The following HIVEP3 variants were observed in gnomAD, a reference collection of about 807,000 sequenced individuals.
The protein encoded by HIVEP3 is transcription factor HIVEP3.
HIVEP3 carries 49 observed loss-of-function variants against 152.8 expected under a neutral mutation model. The ratio of observed to expected loss-of-function variants is 0.32; its 90% CI spans 0.26 to 0.41. The LOEUF is 0.41. HIVEP3 is among the 10% of genes least tolerant of loss of function. The pLI, the probability that HIVEP3 is intolerant of heterozygous loss-of-function variation, is 1.00. For synonymous variants in HIVEP3, 1,269 were observed against 1,289.0 expected, an observed-to-expected ratio of 0.98 and a Z score of 0.33; for missense variants, 2,790 against 3,103.3, an observed-to-expected ratio of 0.90 and a Z score of 2.40.
At chr1:41,915,042 G>A (rs963138486) in intron 1 of HIVEP3, among the ~76,000 whole-genome samples, 49 of 152,198 alleles carry the variant, frequency 3.2e-4, no homozygotes, top group South Asian at 2.1e-4. Flanking sequence ...CTTTATAGTT[G>A]TAATATAATT....
upstream of HIVEP3, among the ~76,000 whole-genome samples, chr1:41,921,617 C>T (rs1035705045): frequency 2.6e-5 from 4 of 151,982 alleles, no homozygotes; most frequent in African/African-American, 9.7e-5. Context: ...GTGTGAGAAC[C>T]GACTAATACA....
At position 41,694,752 on chromosome 1, in the gene HIVEP3, T is replaced by A. The variant is rs978153338; in HGVS notation, c.-721+6164A>T. 2.0e-5 allele frequency among the ~76,000 whole-genome samples: 3 copies of A among 152,266 alleles called. No homozygotes were observed. The East Asian group carries it at 5.8e-4, about 29-fold the overall frequency. ...GCCTCCAGGAGAAGGAACACAATTA[T>A]TCACCATGTGCCTGTCGCTGAGCTA... On this transcript the variant is annotated intron_variant, in intron 2 of 8. Coordinates refer to ENST00000372583, the MANE Select transcript of HIVEP3 (RefSeq NM_024503.5).
chr1:41,712,308 G>A (rs145334758), intron 1 of HIVEP3, among the ~76,000 whole-genome samples: 42 of 152,362 alleles, frequency 2.8e-4, no homozygotes, highest in African/African-American at 8.9e-4. Flanking sequence ...CATTCATTCC[G>A]TAAAGATGCG....
intron 5 of HIVEP3, among the ~76,000 whole-genome samples, chr1:41,562,812 A>G (rs914559785): frequency 5.3e-5 from 8 of 152,164 alleles, no homozygotes; most frequent in Non-Finnish European, 1.2e-4. Context: ...TCTGATTTAC[A>G]TCCCAGGATC....
intron 1 of HIVEP3, among the ~76,000 whole-genome samples, chr1:41,775,654 C>A (rs1011498466): frequency 2.0e-5 from 3 of 152,058 alleles, no homozygotes; most frequent in African/African-American, 7.2e-5. Flanking sequence ...CCATGCCTGG[C>A]TAATTTTTTA....
At chr1:41,916,815 T>A (rs1240509292) in intron 1 of HIVEP3, among the ~76,000 whole-genome samples, 2 of 152,116 alleles carry the variant, frequency 1.3e-5, no homozygotes, top group Non-Finnish European at 2.9e-5. Flanking sequence ...ACCTGGCCTA[T>A]TACCTTGGCT....
intron 5 of HIVEP3, among the ~76,000 whole-genome samples, chr1:41,562,452 A>G (rs562703703): frequency 2.0e-5 from 3 of 152,292 alleles, no homozygotes; most frequent in Non-Finnish European, 4.4e-5. Context: ...AATTAAAGAT[A>G]GTGGGAAAAA....
At chr1:41,789,399 G>A (rs961338234) in intron 1 of HIVEP3, among the ~76,000 whole-genome samples, 3 of 152,220 alleles carry the variant, frequency 2.0e-5, no homozygotes, top group Non-Finnish European at 4.4e-5. Context: ...ACGTTTGTGA[G>A]CTACCATTGT....
At chr1:41,556,524 TG>T (rs1643969039) in intron 5 of HIVEP3, among the ~76,000 whole-genome samples, 1 of 152,380 alleles carries the variant, frequency 6.6e-6, no homozygotes, top group African/African-American at 2.4e-5. Flanking sequence ...TTACATATTC[TG>T]GATATCAAGC....
chr1:41,727,346 G>A (rs555271371), intron 1 of HIVEP3, among the ~76,000 whole-genome samples: 4 of 152,240 alleles, frequency 2.6e-5, no homozygotes, highest in African/African-American at 7.2e-5. Context: ...GGATGAAGCC[G>A]GGAGGCAGCC....
intron 3 of HIVEP3, among the ~76,000 whole-genome samples, chr1:41,621,998 C>G (rs925903183): frequency 2.0e-5 from 3 of 152,232 alleles, no homozygotes; most frequent in Middle Eastern, 3.2e-3. Flanking sequence ...TCATTTCCTG[C>G]CTGGATTGCT....
chr1:41,924,463 A>G (rs907754625), intron 1 of HIVEP3, among the ~76,000 whole-genome samples: 4 of 152,168 alleles, frequency 2.6e-5, no homozygotes, highest in Non-Finnish European at 5.9e-5. Flanking sequence ...AATACTTACT[A>G]TGTACCTGGT....
At chr1:42,020,844 G>A (rs533007249) in intron 1 of HIVEP3, among the ~76,000 whole-genome samples, 1 of 152,280 alleles carries the variant, frequency 6.6e-6, no homozygotes, top group African/African-American at 2.4e-5. Context: ...GCCACTTTGA[G>A]GAGAACCTGA....
intron 1 of HIVEP3, among the ~76,000 whole-genome samples, chr1:41,846,269 T>C (rs961430382): frequency 6.6e-6 from 1 of 152,198 alleles, no homozygotes; most frequent in African/African-American, 2.4e-5. Flanking sequence ...GCATGTTACT[T>C]TTACAATGAA....
At chr1:41,623,022 C>T (rs777092308) in intron 3 of HIVEP3, among the ~76,000 whole-genome samples, 20 of 152,212 alleles carry the variant, frequency 1.3e-4, no homozygotes, top group Non-Finnish European at 2.5e-4. Flanking sequence ...GGTCACGCAG[C>T]CAGTATGAGA....
chr1:42,023,798 C>G (rs1407599950), intron 1 of HIVEP3, among the ~76,000 whole-genome samples: 1 of 152,208 alleles, frequency 6.6e-6, no homozygotes, highest in Non-Finnish European at 1.5e-5. Context: ...AATGAAACCT[C>G]TTTCCTTTGT....
chr1:41,524,441 T>C (rs150856299), intron 6 of HIVEP3, among the ~76,000 whole-genome samples: 182 of 152,040 alleles, frequency 1.2e-3, no homozygotes, highest in African/African-American at 4.1e-3. Flanking sequence ...TGCAAAACCA[T>C]GAACGGTGAG....
intron 2 of HIVEP3, among the ~76,000 whole-genome samples, chr1:41,669,910 T>C (rs528295590): frequency 2.6e-5 from 4 of 152,328 alleles, no homozygotes; most frequent in African/African-American, 7.2e-5. Flanking sequence ...AGAGAACCCT[T>C]ATAGATGTCT....
chr1:41,598,714 G>C (rs1203300774), intron 3 of HIVEP3, among the ~76,000 whole-genome samples: 1 of 152,266 alleles, frequency 6.6e-6, no homozygotes, highest in Non-Finnish European at 1.5e-5. Context: ...CAGTAATCAA[G>C]ACAGTATAGT....
Sources: allele counts gnomAD v4.1 joint callset (sites outside exome capture counted in the v4.1 genomes callset), GRCh38; gene constraint gnomAD v4.1.1; transcripts MANE v1.5; gene names NCBI Gene and HGNC (gene_info 2026-07-23, HGNC 2026-07-21).